CADM2: variants seen among roughly 807,000 people sequenced by gnomAD.
CADM2 encodes cell adhesion molecule 2.
Under a neutral mutation model 49.8 loss-of-function variants are expected in CADM2, and 12 were observed. That is an observed-to-expected ratio of 0.24 (90% CI 0.15 to 0.39). The LOEUF is 0.39. Among genes scored for constraint, CADM2 ranks in the 10% least tolerant of loss-of-function variants. The probability of loss-of-function intolerance (pLI) is 1.00; values close to 1 mark genes in which losing one functional copy is unlikely to be tolerated. For synonymous variants in CADM2, 214 were observed against 175.4 expected (o/e 1.22, Z -1.74); for missense variants, 378 against 492.3 (o/e 0.77, Z 2.20).
chr3:85,028,735 AG>A (rs2034845523), intron 1 of CADM2, among the ~76,000 whole-genome samples: 1 of 152,046 alleles, frequency 6.6e-6, no homozygotes, highest in Non-Finnish European at 1.5e-5. Flanking sequence ...TCTCCTTATT[AG>A]ACAGGTCTCA....
chr3:85,901,658 A>G (rs1716136986), intron 5 of CADM2, among the ~76,000 whole-genome samples: 1 of 152,196 alleles, frequency 6.6e-6, no homozygotes, highest in South Asian at 2.1e-4. Flanking sequence ...CATTATTTAG[A>G]TATAATTCAC....
At chr3:85,386,521 C>G (rs963486047) in intron 1 of CADM2, among the ~76,000 whole-genome samples, 1 of 152,136 alleles carries the variant, frequency 6.6e-6, no homozygotes, top group African/African-American at 2.4e-5. Flanking sequence ...TCATCCTTGT[C>G]CATGTGGGAT....
At chr3:85,215,641 A>T (rs1242552497) in intron 1 of CADM2, among the ~76,000 whole-genome samples, 1 of 152,040 alleles carries the variant, frequency 6.6e-6, no homozygotes, top group Non-Finnish European at 1.5e-5. Context: ...TCAGTACAGC[A>T]CCAGGAATTG....
intron 8 of CADM2, among the ~76,000 whole-genome samples, chr3:85,991,455 G>T (rs1728760270): frequency 6.6e-6 from 1 of 152,092 alleles, no homozygotes; most frequent in African/African-American, 2.4e-5. Flanking sequence ...AATGAGATCA[G>T]TTATCAAATA....
intron 1 of CADM2, among the ~76,000 whole-genome samples, chr3:85,294,548 G>T (rs1428841341): frequency 2.6e-5 from 4 of 151,952 alleles, no homozygotes; most frequent in Non-Finnish European, 5.9e-5. Context: ...TATACTACAA[G>T]GCTACAGTAC....
intron 2 of CADM2, among the ~76,000 whole-genome samples, chr3:85,734,994 G>GTA (rs1224713148): frequency 1.3e-5 from 2 of 151,210 alleles, no homozygotes; most frequent in Non-Finnish European, 1.5e-5. Context: ...GTGTGTGTGT[G>GTA]TGTGTATGTG....
intron 1 of CADM2, among the ~76,000 whole-genome samples, chr3:85,092,747 C>A (rs575103504): frequency 6.6e-6 from 1 of 152,238 alleles, no homozygotes; most frequent in South Asian, 2.1e-4. Flanking sequence ...TCTTCCACCA[C>A]CGCCACCACC....
At chr3:85,081,365 G>A (rs958423477) in intron 1 of CADM2, among the ~76,000 whole-genome samples, 4 of 152,062 alleles carry the variant, frequency 2.6e-5, no homozygotes, top group Non-Finnish European at 4.4e-5. Flanking sequence ...TGCTCAGAGC[G>A]CATATGACTT....
At chr3:85,913,917 G>GT (rs992321721) in intron 6 of CADM2, among the ~76,000 whole-genome samples, 1 of 152,036 alleles carries the variant, frequency 6.6e-6, no homozygotes, top group African/African-American at 2.4e-5. Flanking sequence ...CTTGTTTGTT[G>GT]TTTTTATTTC....
chr3:85,644,303 G>T (rs895471920), intron 1 of CADM2, among the ~76,000 whole-genome samples: 1 of 152,100 alleles, frequency 6.6e-6, no homozygotes, highest in African/African-American at 2.4e-5. Context: ...TTAGAAGGAT[G>T]CCAGTCTTAC....
At chr3:85,590,806 A>G (rs1009958115) in intron 1 of CADM2, among the ~76,000 whole-genome samples, 3 of 152,012 alleles carry the variant, frequency 2.0e-5, no homozygotes, top group African/African-American at 7.2e-5. Flanking sequence ...ATCTTCAACA[A>G]AAATAATGTT....
At chr3:85,887,256 T>A (rs902529261) in intron 5 of CADM2, among the ~76,000 whole-genome samples, 4 of 151,988 alleles carry the variant, frequency 2.6e-5, no homozygotes, top group African/African-American at 9.7e-5. Flanking sequence ...TTGGCTAACT[T>A]GTTTTATTTT....
chr3:85,892,650 T>C (rs1714620704), intron 5 of CADM2, among the ~76,000 whole-genome samples: 1 of 152,170 alleles, frequency 6.6e-6, no homozygotes, highest in Admixed American at 6.5e-5. Context: ...TCCCCAGCCA[T>C]GTGGAATTGT....
chr3:85,866,882 G>A (rs1172813064), intron 3 of CADM2, among the ~76,000 whole-genome samples: 2 of 151,830 alleles, frequency 1.3e-5, no homozygotes, highest in African/African-American at 2.4e-5. Flanking sequence ...GCACAAACGT[G>A]CATTCATGCT....
At chr3:85,509,769 GCA>G (rs1491206027) in intron 1 of CADM2, among the ~76,000 whole-genome samples, 3 of 151,994 alleles carry the variant, frequency 2.0e-5, no homozygotes, top group African/African-American at 7.2e-5. Context: ...AAACAGCCTG[GCA>G]CAGTTAAAAT....
At chr3:85,735,077 T>G (rs1346016723) in intron 2 of CADM2, among the ~76,000 whole-genome samples, 1 of 151,804 alleles carries the variant, frequency 6.6e-6, no homozygotes, top group Non-Finnish European at 1.5e-5. Context: ...AATCATTTCT[T>G]TACCCAAAAT....
chr3:85,072,212 C>A (rs549050891), intron 1 of CADM2, among the ~76,000 whole-genome samples: 1 of 151,846 alleles, frequency 6.6e-6, no homozygotes, highest in Non-Finnish European at 1.5e-5. Flanking sequence ...ATACTTACAA[C>A]GGTCAGAAAA....
At chr3:85,385,599 T>A (rs2034177178) in intron 1 of CADM2, 1 of 152,114 alleles carries the variant, frequency 6.6e-6, no homozygotes, top group African/African-American at 2.4e-5. Flanking sequence ...TTCATGTTGT[T>A]AAGAGCAATT....
At chr3:85,257,052 A>C (rs2042902311) in intron 1 of CADM2, among the ~76,000 whole-genome samples, 1 of 152,152 alleles carries the variant, frequency 6.6e-6, no homozygotes, top group South Asian at 2.1e-4. Flanking sequence ...AGCTGTAATT[A>C]CTTAATCATA....
Sources: gnomAD v4.1 joint callset for allele counts (sites outside exome capture counted in the v4.1 genomes callset) on GRCh38, gnomAD v4.1.1 for gene constraint, MANE v1.5 for transcripts, NCBI Gene and HGNC (gene_info 2026-07-23, HGNC 2026-07-21) for gene names.